JAM3: variants seen among roughly 807,000 people sequenced by gnomAD.
JAM3 encodes junctional adhesion molecule 3, also known as junctional adhesion molecule C.
JAM3 carries 31 observed loss-of-function variants against 39.4 expected under a neutral mutation model. The ratio of observed to expected loss-of-function variants is 0.79; its 90% CI spans 0.59 to 1.06. The LOEUF is 1.06. Among genes scored for constraint, JAM3 ranks in the 50% least tolerant of loss-of-function variants. JAM3 has a pLI of 0.00. For synonymous variants in JAM3, 182 were observed against 148.7 expected (o/e 1.22, Z -1.63); for missense variants, 455 against 391.4 (o/e 1.16, Z -1.37).
Position 134,129,742 on chromosome 11 carries a change from C to G in JAM3, c.77-10109C>G, listed in dbSNP as rs531763539. Among the ~76,000 whole-genome samples, 151 of 152,252 alleles carry G rather than the reference C, an allele frequency of 9.9e-4. 3 individuals carry two copies. Among genetic ancestry groups the G allele is most frequent in the Non-Finnish European group, 2.4e-4 (16 of 68,034 alleles). On this transcript the variant is annotated intron_variant, in intron 1 of 8. Transcript: ENST00000299106. ...AGAGGCCAGGCGTGATGGCTTACGC[C>G]TGTAAGCCTAACACTTTGGGAGGCC...
At chr11:134,080,584 A>G (rs887369931) in intron 1 of JAM3, among the ~76,000 whole-genome samples, 4 of 152,190 alleles carry the variant, frequency 2.6e-5, no homozygotes, top group African/African-American at 7.2e-5. Context: ...GTCTGTCGCC[A>G]TATGAGACAT....
At position 134,087,739 on chromosome 11, in the gene JAM3, C is replaced by T. The variant is rs953041103; in HGVS notation, c.76+18580C>T. Reference sequence around the variant, plus strand: ...TATGCTCTCAGCAAGTTACTTAATCCCTTTATGTTAAGTTTTCTACCCATA... The same window carrying T: ...TATGCTCTCAGCAAGTTACTTAATCTCTTTATGTTAAGTTTTCTACCCATA... On this transcript the variant is annotated intron_variant, in intron 1 of 8. Transcript: ENST00000299106. Among the ~76,000 whole-genome samples, 5 of 152,120 alleles carry T rather than the reference C, an allele frequency of 3.3e-5. No individual in the cohort carries two copies. In the South Asian group the frequency reaches 1.0e-3, roughly 32 times the overall value.
At chr11:134,110,314 G>A (rs1330682966) in intron 1 of JAM3, among the ~76,000 whole-genome samples, 1 of 152,124 alleles carries the variant, frequency 6.6e-6, no homozygotes, top group Non-Finnish European at 1.5e-5. Context: ...ACATACTTAT[G>A]TAAGAGAATG....
chr11:134,108,086 A>C (rs1229162473), intron 1 of JAM3, among the ~76,000 whole-genome samples: 1 of 152,198 alleles, frequency 6.6e-6, no homozygotes, highest in East Asian at 1.9e-4. Context: ...AGAGAAAAGA[A>C]ACAAGTTAAC....
In JAM3 at chr11:134,139,833, C is replaced by T; in HGVS notation, c.77-18C>T. 6.2e-7 allele frequency: 1 copy of T among 1,608,152 alleles called. No individual in the cohort carries two copies. Among genetic ancestry groups the T allele is most frequent in the Non-Finnish European group, 8.5e-7 (1 of 1,174,590 alleles). ...TTGAGATACATTGTCTCTGATTTTA[C>T]TTTTCTTTCTCCTTCAGGCTGCCTG... On this transcript the variant is annotated intron_variant, in intron 1 of 8. Coordinates refer to ENST00000299106, the MANE Select transcript of JAM3 (RefSeq NM_032801.5).
At chr11:134,076,056 TA>T (rs1941563663) in intron 1 of JAM3, among the ~76,000 whole-genome samples, 1 of 151,858 alleles carries the variant, frequency 6.6e-6, no homozygotes, top group Non-Finnish European at 1.5e-5. Context: ...TTCCACCAAT[TA>T]TATTATTCAT....
chr11:134,136,019 G>A (rs1201843870), intron 1 of JAM3, among the ~76,000 whole-genome samples: 1 of 152,018 alleles, frequency 6.6e-6, no homozygotes, highest in African/African-American at 2.4e-5. Flanking sequence ...ACATTGAGCT[G>A]AGATCACACC....
chr11:134,117,965 T>G (rs866397018), intron 1 of JAM3, among the ~76,000 whole-genome samples: 9 of 152,184 alleles, frequency 5.9e-5, no homozygotes, highest in African/African-American at 2.2e-4. Context: ...AACTTTGAAT[T>G]ATTTTTTTGT....
chr11:134,076,151 CTTT>C lies in JAM3; in HGVS notation c.76+7010_76+7012del, dbSNP rs551303530. The stretch of plus-strand genomic sequence containing the variant: ...TTACTCCTTTTCTTTTCTTTTCTTT[CTTT>C]TTTTTTTTTTTTTTTTTGAGATGGA... On this transcript the variant is annotated intron_variant, in intron 1 of 8. Coordinates refer to ENST00000299106, the MANE Select transcript of JAM3 (RefSeq NM_032801.5). 5.8e-5 allele frequency among the ~76,000 whole-genome samples: 7 copies of C among 120,388 alleles called. No individual in the cohort carries two copies. The East Asian group carries it at 7.0e-4, about 12-fold the overall frequency. 79.0% of individuals were successfully genotyped at this position (120,388 alleles called of 152,430 possible).
chr11:134,107,617 A>T (rs1394160933), intron 1 of JAM3, among the ~76,000 whole-genome samples: 1 of 152,200 alleles, frequency 6.6e-6, no homozygotes, highest in Middle Eastern at 3.2e-3. Context: ...TTCGAAAAGA[A>T]GAAAGGTCTG....
chr11:134,147,703 G>C (rs953150752), intron 6 of JAM3: 2 of 150,106 alleles, frequency 1.3e-5, no homozygotes, highest in East Asian at 2.2e-4. Flanking sequence ...AGCCAGGATG[G>C]TCTCGAATCT....
intron 1 of JAM3, chr11:134,126,430 G>T (rs575044863): frequency 2.0e-5 from 3 of 152,244 alleles, no homozygotes; most frequent in Non-Finnish European, 4.4e-5. Context: ...TTGTTTATAT[G>T]CATGACTTTG....
At chr11:134,124,251 G>T in intron 1 of JAM3, 1 of 1,086,068 alleles carries the variant, frequency 9.2e-7, no homozygotes, top group Non-Finnish European at 1.4e-6. Flanking sequence ...CTCGTTGAGA[G>T]TAGCACTGGT....
chr11:134,078,882 T>TA (rs1182418002), intron 1 of JAM3, among the ~76,000 whole-genome samples: 4 of 152,000 alleles, frequency 2.6e-5, no homozygotes, highest in East Asian at 3.9e-4. Flanking sequence ...CTACTAAAAA[T>TA]AAAAAAATTA....
chr11:134,081,293 C>T (rs1941661508), intron 1 of JAM3, among the ~76,000 whole-genome samples: 1 of 152,182 alleles, frequency 6.6e-6, no homozygotes, highest in Non-Finnish European at 1.5e-5. Flanking sequence ...AATGTTAATC[C>T]CCAAGACAAT....
chr11:134,097,912 A>G (rs1458856943), intron 1 of JAM3, among the ~76,000 whole-genome samples: 1 of 151,994 alleles, frequency 6.6e-6, no homozygotes, highest in Non-Finnish European at 1.5e-5. Flanking sequence ...TATTGAGTTT[A>G]TGACATTAAG....
At chr11:134,112,811 A>T (rs995750298) in intron 1 of JAM3, among the ~76,000 whole-genome samples, 2 of 152,206 alleles carry the variant, frequency 1.3e-5, no homozygotes, top group Non-Finnish European at 2.9e-5. Context: ...AGCTGCCTTC[A>T]TGTCGTGTAA....
At chr11:134,110,742 A>G (rs1213687258) in intron 1 of JAM3, among the ~76,000 whole-genome samples, 2 of 152,086 alleles carry the variant, frequency 1.3e-5, no homozygotes, top group East Asian at 1.9e-4. Context: ...GTTGCTGGAT[A>G]TGTTCGCTAT....
At chr11:134,148,299 C>T (rs371101592) in intron 6 of JAM3, 3 of 552,754 alleles carry the variant, frequency 5.4e-6, no homozygotes, top group Admixed American at 3.1e-5. Context: ...CTTTAATACA[C>T]TTTTCAGTGC....
Sources: gnomAD v4.1 joint callset for allele counts (sites outside exome capture counted in the v4.1 genomes callset) on GRCh38, gnomAD v4.1.1 for gene constraint, MANE v1.5 for transcripts, NCBI Gene and HGNC (gene_info 2026-07-23, HGNC 2026-07-21) for gene names.